TATDN2: variants seen among roughly 807,000 people sequenced by gnomAD.
TATDN2 encodes the protein 3'-5' RNA nuclease TATDN2.
TATDN2 carries 44 observed loss-of-function variants against 60.3 expected under a neutral mutation model. That is an observed-to-expected ratio of 0.73 (90% CI 0.57 to 0.94). The LOEUF (loss-of-function observed/expected upper bound fraction) is 0.94, where lower values mean the gene tolerates loss of function less well. TATDN2 is among the 40% of genes least tolerant of loss of function. The pLI, the probability that TATDN2 is intolerant of heterozygous loss-of-function variation, is 0.00. For synonymous variants in TATDN2, 399 were observed against 355.8 expected (o/e 1.12, Z -1.37); for missense variants, 997 against 948.0 (o/e 1.05, Z -0.68).
chr3:10,272,133 A>G (rs1698575807), intron 4 of TATDN2, among the ~76,000 whole-genome samples: 1 of 151,722 alleles, frequency 6.6e-6, no homozygotes, highest in South Asian at 2.1e-4. Context: ...TTCAGAGATA[A>G]GGTCTTTGTC....
At chr3:10,263,480 C>T (rs1283433850) in intron 3 of TATDN2, among the ~76,000 whole-genome samples, 4 of 151,890 alleles carry the variant, frequency 2.6e-5, no homozygotes, top group Non-Finnish European at 5.9e-5. Context: ...AATTTTATTG[C>T]CTTTCTCCCT....
Position 10,278,075 on chromosome 3 carries a change from G to T in TATDN2, c.1962-204G>T, listed in dbSNP as rs1420221585. ...TCTGTGGTGTGCGTGGTATCTCTGA[G>T]TGATCTCTGATCACTCACCAAGTGC... On this transcript the variant is annotated intron_variant, in intron 5 of 7. Coordinates refer to ENST00000448281, the MANE Select transcript of TATDN2 (RefSeq NM_014760.4). This position sits in a 1 kb window ranked among gnomAD's most constrained non-coding sequence, Gnocchi z 4.7. Among the ~76,000 whole-genome samples the T allele has an allele frequency of 6.6e-6, 1 of 152,114 alleles. No homozygotes were observed. Among genetic ancestry groups the T allele is most frequent in the Non-Finnish European group, 1.5e-5 (1 of 68,012 alleles).
chr3:10,266,931 C>CTTT (rs199956355), intron 3 of TATDN2, among the ~76,000 whole-genome samples: 9 of 126,882 alleles, frequency 7.1e-5, no homozygotes, highest in South Asian at 5.5e-4. Flanking sequence ...CTAAGGCAGT[C>CTTT]TTTTTTTTTT....
At chr3:10,260,088 C>T (rs978546086) in intron 2 of TATDN2, 49 bp from the exon 3 acceptor site, 26 of 1,553,992 alleles carry the variant, frequency 1.7e-5, no homozygotes, top group South Asian at 5.0e-5. Flanking sequence ...GCTTCATGTA[C>T]GAAAGTGCCC....
At chr3:10,277,361 C>A (rs1698654213) in intron 5 of TATDN2, among the ~76,000 whole-genome samples, 1 of 152,128 alleles carries the variant, frequency 6.6e-6, no homozygotes, top group Admixed American at 6.6e-5. Context: ...TGCCAGGAGA[C>A]AGGTTGGATG....
At chr3:10,255,515 A>AT (rs57346004) in intron 2 of TATDN2, among the ~76,000 whole-genome samples, 7 of 148,776 alleles carry the variant, frequency 4.7e-5, no homozygotes, top group South Asian at 2.1e-4. Flanking sequence ...TATACTCCTA[A>AT]TTTTTTTTTT....
intron 2 of TATDN2, among the ~76,000 whole-genome samples, chr3:10,254,477 C>T (rs954430860): frequency 3.9e-5 from 6 of 152,118 alleles, no homozygotes; most frequent in East Asian, 1.9e-4. Flanking sequence ...TGGACACTTG[C>T]GTGTTTGGAG....
chr3:10,262,082 C>G (rs1255881099), intron 3 of TATDN2, among the ~76,000 whole-genome samples: 1 of 152,204 alleles, frequency 6.6e-6, no homozygotes, highest in Non-Finnish European at 1.5e-5. Context: ...GTACCTTTCA[C>G]TAATTAATCC....
At chr3:10,256,150 T>C (rs970972691) in intron 2 of TATDN2, among the ~76,000 whole-genome samples, 2 of 152,228 alleles carry the variant, frequency 1.3e-5, no homozygotes, top group African/African-American at 2.4e-5. Flanking sequence ...AGGCAGACGT[T>C]CTTGTGTGTT....
chr3:10,250,967 A>C (rs1289956413), intron 2 of TATDN2, among the ~76,000 whole-genome samples: 1 of 152,200 alleles, frequency 6.6e-6, no homozygotes. Flanking sequence ...TACTTTACAT[A>C]GTCTTTCAGG....
intron 3 of TATDN2, among the ~76,000 whole-genome samples, chr3:10,262,307 C>T (rs376079627): frequency 2.0e-5 from 3 of 152,186 alleles, no homozygotes; most frequent in African/African-American, 7.2e-5. Flanking sequence ...TGTGTCTTCT[C>T]ATGTTCTTCT....
chr3:10,261,762 A>T (rs1006800047), intron 3 of TATDN2, among the ~76,000 whole-genome samples: 2 of 151,994 alleles, frequency 1.3e-5, no homozygotes, highest in Non-Finnish European at 2.9e-5. Context: ...TACTTACCCC[A>T]TGTTTCTAAA....
At chr3:10,256,021 CCT>C (rs1698303199) in intron 2 of TATDN2, among the ~76,000 whole-genome samples, 1 of 152,096 alleles carries the variant, frequency 6.6e-6, no homozygotes, top group Non-Finnish European at 1.5e-5. Flanking sequence ...CATTTTATGT[CCT>C]CTTTTCTTAT....
chr3:10,255,012 A>ACTCCCCCTCCCC lies in TATDN2; in HGVS notation c.415-5113_415-5102dup, dbSNP rs138010769. On this transcript the variant is annotated intron_variant, in intron 2 of 7. Transcript: ENST00000448281. The stretch of plus-strand genomic sequence containing the variant: ...TCCCCCTTCCTCCTTCCCACTTCCC[A>ACTCCCCCTCCCC]CTCCCCCTCCCCCTCCCCCTCCCTC... Among the ~76,000 whole-genome samples the ACTCCCCCTCCCC allele has an allele frequency of 6.4e-4, 25 of 39,146 alleles. No individual in the cohort carries two copies. In the Admixed American group the frequency reaches 6.5e-3, roughly 10 times the overall value. The allele number at this position is 39,146 out of a possible 152,430, so 25.7% of individuals were successfully genotyped here. A position where few individuals can be genotyped will look rare whatever the true frequency, so the allele number is the denominator to read the frequency against.
chr3:10,252,469 C>T (rs1427938345), intron 2 of TATDN2, among the ~76,000 whole-genome samples: 1 of 152,076 alleles, frequency 6.6e-6, no homozygotes, highest in African/African-American at 2.4e-5. Context: ...GTTTAAAAAC[C>T]AAGTGTACAG....
At chr3:10,258,099 C>G (rs1031252962) in intron 2 of TATDN2, among the ~76,000 whole-genome samples, 1 of 151,440 alleles carries the variant, frequency 6.6e-6, no homozygotes, top group East Asian at 1.9e-4. Flanking sequence ...CCGCCTCGGC[C>G]TCCCAAAGTG....
intron 3 of TATDN2, among the ~76,000 whole-genome samples, chr3:10,264,507 C>T (rs1698450448): frequency 6.6e-6 from 1 of 152,102 alleles, no homozygotes; most frequent in Non-Finnish European, 1.5e-5. Flanking sequence ...TCAGTACATC[C>T]TTAGCCTAGA....
intron 2 of TATDN2, among the ~76,000 whole-genome samples, chr3:10,253,941 G>T (rs1365910710): frequency 1.3e-5 from 2 of 152,192 alleles, no homozygotes; most frequent in Non-Finnish European, 2.9e-5. Context: ...GCCTCTGGGA[G>T]CACCTGCTCT....
intron 4 of TATDN2, among the ~76,000 whole-genome samples, chr3:10,272,440 A>ATTT (rs78435606): frequency 7.0e-6 from 1 of 143,074 alleles, no homozygotes; most frequent in Non-Finnish European, 1.5e-5. Context: ...CACCCGGCTA[A>ATTT]TTTTTTTTTT....
Sources: allele counts gnomAD v4.1 joint callset (sites outside exome capture counted in the v4.1 genomes callset), GRCh38; gene constraint gnomAD v4.1.1; non-coding constraint Gnocchi (gnomAD v3.1); transcripts MANE v1.5; gene names NCBI Gene and HGNC (gene_info 2026-07-23, HGNC 2026-07-21).